The following CNTNAP2 variants were observed in gnomAD, a reference collection of about 807,000 sequenced individuals.
CNTNAP2 encodes the protein contactin-associated protein-like 2.
CNTNAP2 carries 98 observed loss-of-function variants against 155.2 expected under a neutral mutation model. The ratio of observed to expected loss-of-function variants is 0.63; its 90% CI spans 0.54 to 0.75. The LOEUF is 0.75. Ranked by LOEUF, CNTNAP2 falls within the 30% of genes least tolerant of loss-of-function variation. The probability of loss-of-function intolerance (pLI) is 0.00; values close to 1 mark genes in which losing one functional copy is unlikely to be tolerated. For missense variants in CNTNAP2, 1,727 were observed against 1,688.1 expected (o/e 1.02, Z -0.40); for synonymous variants, 651 against 631.2 (o/e 1.03, Z -0.47).
intron 13 of CNTNAP2, among the ~76,000 whole-genome samples, chr7:147,713,230 G>A (rs1796428726): frequency 6.6e-6 from 1 of 151,964 alleles, no homozygotes; most frequent in Non-Finnish European, 1.5e-5. Context: ...ATTTCTATGA[G>A]TTCTAAGAAA....
chr7:147,362,149 T>A (rs991562258), intron 9 of CNTNAP2, among the ~76,000 whole-genome samples: 5 of 152,200 alleles, frequency 3.3e-5, no homozygotes, highest in African/African-American at 1.2e-4. Flanking sequence ...ATGGTTTGTT[T>A]TGAGACTAGG....
chr7:147,518,548 G>C (rs1399103636), intron 11 of CNTNAP2, among the ~76,000 whole-genome samples: 1 of 152,186 alleles, frequency 6.6e-6, no homozygotes, highest in Non-Finnish European at 1.5e-5. Flanking sequence ...TTCTAGATCA[G>C]AAACATTTTG....
In CNTNAP2 at chr7:147,457,790, TA is replaced by T. The variant is rs1378732037; in HGVS notation, c.1671-28139del. ...AAAAACAATTAGAGCATTTTCCCTT[TA>T]AAAAATACTAAGCAATATCTATGCT... On this transcript the variant is annotated intron_variant, in intron 10 of 23. Coordinates refer to ENST00000361727, the MANE Select transcript of CNTNAP2 (RefSeq NM_014141.6). 2.0e-5 allele frequency among the ~76,000 whole-genome samples: 3 copies of T among 152,286 alleles called. No individual in the cohort carries two copies. The South Asian group carries it at 6.2e-4, about 32-fold the overall frequency.
intron 1 of CNTNAP2, among the ~76,000 whole-genome samples, chr7:146,444,072 GC>G (rs1796366244): frequency 1.3e-5 from 2 of 151,886 alleles, no homozygotes; most frequent in South Asian, 4.2e-4. Flanking sequence ...TTGCTCTGTT[GC>G]CCAGGTTGTA....
chr7:148,201,762 G>C (rs1466936578), intron 18 of CNTNAP2, among the ~76,000 whole-genome samples: 3 of 151,720 alleles, frequency 2.0e-5, no homozygotes, highest in African/African-American at 7.3e-5. Flanking sequence ...CAAACTCAAA[G>C]GCACCATTAG....
At chr7:148,117,463 A>G (rs1344202168) in intron 15 of CNTNAP2, among the ~76,000 whole-genome samples, 2 of 152,208 alleles carry the variant, frequency 1.3e-5, no homozygotes, top group Non-Finnish European at 2.9e-5. Context: ...CGTCAGTTGT[A>G]TTCCTGAAGC....
chr7:147,312,064 C>G (rs958471329), intron 9 of CNTNAP2, among the ~76,000 whole-genome samples: 2 of 151,930 alleles, frequency 1.3e-5, no homozygotes, highest in Non-Finnish European at 2.9e-5. Flanking sequence ...TTAAAAAGAT[C>G]AGATTTTAAA....
intron 1 of CNTNAP2, among the ~76,000 whole-genome samples, chr7:146,167,150 C>T (rs1798324200): frequency 6.6e-6 from 1 of 152,160 alleles, no homozygotes. Flanking sequence ...AGTACTTTTC[C>T]TCTTTCTTCA....
At chr7:147,649,714 A>G (rs1032354720) in intron 13 of CNTNAP2, among the ~76,000 whole-genome samples, 2 of 152,076 alleles carry the variant, frequency 1.3e-5, no homozygotes, top group Non-Finnish European at 2.9e-5. Flanking sequence ...TTATTATATT[A>G]TAAAAGATTG....
chr7:146,690,799 A>T (rs1390397069), intron 1 of CNTNAP2, among the ~76,000 whole-genome samples: 1 of 152,144 alleles, frequency 6.6e-6, no homozygotes, highest in Non-Finnish European at 1.5e-5. Flanking sequence ...TCTTTTTCTA[A>T]TTTCTAATAC....
At chr7:146,313,729 T>G (rs1041135730) in intron 1 of CNTNAP2, among the ~76,000 whole-genome samples, 1 of 152,146 alleles carries the variant, frequency 6.6e-6, no homozygotes, top group African/African-American at 2.4e-5. Context: ...CCTGGCACGG[T>G]GGCTCACAGC....
intron 20 of CNTNAP2, among the ~76,000 whole-genome samples, chr7:148,263,661 C>T (rs1023264745): frequency 1.3e-5 from 2 of 150,348 alleles, no homozygotes; most frequent in African/African-American, 2.5e-5. Context: ...GGCGTGAACC[C>T]GGGAGGCGGA....
intron 1 of CNTNAP2, among the ~76,000 whole-genome samples, chr7:146,770,567 G>T (rs891581508): frequency 6.6e-6 from 1 of 151,644 alleles, no homozygotes; most frequent in Non-Finnish European, 1.5e-5. Context: ...AAAAAAAATT[G>T]CTTATTGGCC....
chr7:147,365,002 G>C (rs777883912), intron 9 of CNTNAP2, among the ~76,000 whole-genome samples: 3 of 152,170 alleles, frequency 2.0e-5, no homozygotes, highest in Admixed American at 6.5e-5. Flanking sequence ...GAGCCAATTA[G>C]AGATGTTCTT....
intron 10 of CNTNAP2, among the ~76,000 whole-genome samples, chr7:147,450,141 T>C (rs1797806189): frequency 6.6e-6 from 1 of 152,202 alleles, no homozygotes; most frequent in Non-Finnish European, 1.5e-5. Context: ...CCGAATGTAA[T>C]CACATCACTC....
intron 1 of CNTNAP2, among the ~76,000 whole-genome samples, chr7:146,225,043 A>C (rs1380205516): frequency 6.6e-6 from 1 of 152,198 alleles, no homozygotes; most frequent in Non-Finnish European, 1.5e-5. Context: ...AAAAGTTTGG[A>C]AAGCTAAGAA....
chr7:148,062,857 T>G (rs1040342576), intron 15 of CNTNAP2, among the ~76,000 whole-genome samples: 1 of 152,074 alleles, frequency 6.6e-6, no homozygotes, highest in East Asian at 1.9e-4. Flanking sequence ...AGGATCAACA[T>G]AGTCACAAGT....
At chr7:147,306,009 A>G (rs577040264) in intron 9 of CNTNAP2, among the ~76,000 whole-genome samples, 3 of 152,200 alleles carry the variant, frequency 2.0e-5, no homozygotes, top group Admixed American at 1.3e-4. Flanking sequence ...CCTTCCTCTG[A>G]TAAGGACACC....
chr7:146,630,350 A>G (rs192967634), intron 1 of CNTNAP2, among the ~76,000 whole-genome samples: 1 of 152,252 alleles, frequency 6.6e-6, no homozygotes, highest in East Asian at 1.9e-4. Flanking sequence ...TCCATGGTGC[A>G]TATGTGCCAC....
Sources: gnomAD v4.1 joint callset for allele counts (sites outside exome capture counted in the v4.1 genomes callset) on GRCh38, gnomAD v4.1.1 for gene constraint, MANE v1.5 for transcripts, NCBI Gene and HGNC (gene_info 2026-07-23, HGNC 2026-07-21) for gene names.